The following HSPA9 variants were observed in gnomAD, a reference collection of about 807,000 sequenced individuals.
HSPA9 encodes heat shock protein family A (Hsp70) member 9.
HSPA9 carries 28 observed loss-of-function variants against 81.5 expected under a neutral mutation model. The observed-to-expected ratio is 0.34, with a 90% CI of 0.25 to 0.47. The LOEUF is 0.47. HSPA9 is among the 20% of genes least tolerant of loss of function. The pLI, the probability that HSPA9 is intolerant of heterozygous loss-of-function variation, is 1.00. For synonymous variants in HSPA9, 293 were observed against 290.4 expected (o/e 1.01, Z -0.09); for missense variants, 678 against 838.0 (o/e 0.81, Z 2.36).
At chr5:138,567,302 CAAAAG>C (rs565070085) in intron 7 of HSPA9, 139 bp from the exon 8 acceptor site, 352 of 987,472 alleles carry the variant, frequency 3.6e-4, no homozygotes, top group African/African-American at 6.8e-4. Context: ...TACCATGGCC[CAAAAG>C]AAAAGAAAAG....
At chr5:138,573,892 G>T in intron 2 of HSPA9, 42 bp from the exon 3 acceptor site, 1 of 1,483,698 alleles carries the variant, frequency 6.7e-7, no homozygotes, top group Non-Finnish European at 9.4e-7. Context: ...TTGTTATCTT[G>T]ATAGACCAAA....
At chr5:138,565,311 G>A (rs902778488) in intron 9 of HSPA9, among the ~76,000 whole-genome samples, 1 of 152,094 alleles carries the variant, frequency 6.6e-6, no homozygotes, top group Non-Finnish European at 1.5e-5. Flanking sequence ...TGATAGCAGG[G>A]GCAAAGTAAC....
chr5:138,557,026 A>G, intron 14 of HSPA9, 160 bp from the exon 15 acceptor site: 2 of 681,484 alleles, frequency 2.9e-6, no homozygotes, highest in Non-Finnish European at 5.3e-6. Context: ...GATGGCTTTG[A>G]GAGAGATTTG....
At chr5:138,564,625 A>G (rs571163513) in intron 9 of HSPA9, among the ~76,000 whole-genome samples, 7 of 152,268 alleles carry the variant, frequency 4.6e-5, no homozygotes, top group African/African-American at 9.6e-5. Flanking sequence ...CTGGTCCCCA[A>G]TTCCTGAGCT....
At chr5:138,556,674 A>C in intron 15 of HSPA9, 82 bp from the exon 16 acceptor site, 3 of 1,566,308 alleles carry the variant, frequency 1.9e-6, no homozygotes, top group Non-Finnish European at 1.8e-6. Context: ...GAAACATTTT[A>C]AAATAATTAA....
chr5:138,561,434 CAG>C, intron 10 of HSPA9, 144 bp downstream of exon 10: 1 of 708,362 alleles, frequency 1.4e-6, no homozygotes. Flanking sequence ...ACAAAACAAA[CAG>C]AAAAGAATTC....
intron 9 of HSPA9, among the ~76,000 whole-genome samples, chr5:138,564,349 C>T (rs939337384): frequency 2.0e-5 from 3 of 152,224 alleles, no homozygotes; most frequent in Non-Finnish European, 2.9e-5. Context: ...AGTGATTCAC[C>T]GGCCTTGGCC....
chr5:138,555,594 G>T lies in HSPA9; in HGVS notation c.*443C>A, dbSNP rs1196322540. The T allele has an allele frequency of 1.0e-5, 2 of 199,108 alleles. No homozygotes were observed. The highest frequency in any genetic ancestry group is 2.1e-5 in the Non-Finnish European group (2 of 96,096). 12.3% of individuals were successfully genotyped at this position (199,108 alleles called of 1,614,324 possible). A position where few individuals can be genotyped will look rare whatever the true frequency, so the allele number is the denominator to read the frequency against. ...CAGCTTGACTTGCAAGGCCTCAGTT[G>T]AAGGACCCCATGTACATACAGGCCA... On this transcript the variant is annotated 3_prime_UTR_variant, in exon 17 of 17. Coordinates refer to ENST00000297185, the MANE Select transcript of HSPA9 (RefSeq NM_004134.7).
chr5:138,560,769 C>T (rs1046815383), intron 10 of HSPA9: 4 of 355,690 alleles, frequency 1.1e-5, no homozygotes, highest in Admixed American at 3.9e-5. Context: ...AGGATGGTCT[C>T]GATCTCTTGA....
At position 138,554,252 on chromosome 5, in the gene HSPA9, T is replaced by G. The variant is rs1046742115; in HGVS notation, c.*1785A>C. Among the ~76,000 whole-genome samples the G allele has an allele frequency of 1.6e-4, 25 of 152,336 alleles. No homozygotes were observed. The highest frequency in any genetic ancestry group is 1.2e-3 in the Admixed American group (18 of 15,294). On this transcript the variant is annotated 3_prime_UTR_variant, in exon 17 of 17. Transcript: ENST00000297185. Reference sequence around the variant, plus strand: ...TTTGCTTGGGCATTTGGCTCCTCTCTCTGATCCCAAGGATGAATCTTGACT... The same window carrying G: ...TTTGCTTGGGCATTTGGCTCCTCTCGCTGATCCCAAGGATGAATCTTGACT...
rs752447855 is a variant in HSPA9, at chr5:138,557,974, G to A, written c.1528C>T (p.Pro510Ser). ...ATCTGAGGAACTCCACGAGGGGCTG[G>A]TGGAATTCCAATCTAAAATAAATAA... ...LGQFTLIGIP[P>S]APRGVPQIEV... Residue 510 changes from proline to serine, a missense_variant, in exon 13 of 17, where the codon CCA becomes TCA. Pro to Ser is a moderately conservative substitution (Grantham distance 74). Around this residue, in one of 4 missense-constraint regions of HSPA9, gnomAD observed 484 missense variants for 647.5 expected, o/e 0.75. Coordinates refer to ENST00000297185, the MANE Select transcript of HSPA9 (RefSeq NM_004134.7). The A allele has an allele frequency of 6.2e-7, 1 of 1,605,546 alleles. No individual in the cohort carries two copies. The highest frequency in any genetic ancestry group is 8.5e-7 in the Non-Finnish European group (1 of 1,173,142).
chr5:138,571,882 G>A (rs534056296), intron 3 of HSPA9, among the ~76,000 whole-genome samples: 6 of 149,636 alleles, frequency 4.0e-5, no homozygotes, highest in Admixed American at 2.7e-4. Context: ...GGCTGGTCTC[G>A]AACTCCTGAC....
At position 138,558,587 on chromosome 5, in the gene HSPA9, G is replaced by A; in HGVS notation, c.1481C>T (p.Ala494Val). ...CTGTCCAAGGAGTTTGTTGTCTCCA[G>A]CCATCTCTCTTTCACCCTGACACAC... ...IKVCQGEREM[A>V]GDNKLLGQFT... Residue 494 changes from alanine to valine, a missense_variant, in exon 12 of 17, where the codon GCT becomes GTT. Ala to Val is a moderately conservative substitution (Grantham distance 64, BLOSUM62 0). Transcript: ENST00000297185. The A allele has an allele frequency of 6.2e-7, 1 of 1,613,150 alleles. No homozygotes were observed. Among genetic ancestry groups the A allele is most frequent in the Non-Finnish European group, 8.5e-7 (1 of 1,179,168 alleles).
chr5:138,569,694 TTTAAA>T (rs1468411444), intron 4 of HSPA9, among the ~76,000 whole-genome samples: 4 of 152,176 alleles, frequency 2.6e-5, no homozygotes, highest in Non-Finnish European at 4.4e-5. Flanking sequence ...AATAAAGCTG[TTTAAA>T]TTTTTAAAAA....
In HSPA9 at chr5:138,559,100, TA is replaced by T. The variant is rs1750595761; in HGVS notation, c.1411-444del. On this transcript the variant is annotated intron_variant, in intron 11 of 16. Transcript: ENST00000297185. ...TCACAAGATTGGGTAAGTCAGGAAA[TA>T]ATTTTTTTTTTTTTTTTGAGACAAG... The T allele has an allele frequency of 3.1e-5, 6 of 193,966 alleles. 1 individual carries two copies. The highest frequency in any genetic ancestry group is 2.7e-4 in the Admixed American group (5 of 18,718). 12.0% of individuals were successfully genotyped at this position (193,966 alleles called of 1,614,324 possible).
At chr5:138,574,210 A>G (rs2127163613) in intron 1 of HSPA9, 84 bp from the exon 2 acceptor site, 3 of 884,296 alleles carry the variant, frequency 3.4e-6, no homozygotes, top group East Asian at 4.9e-5. Context: ...CTTAGTATAT[A>G]AAATACATTA....
intron 11 of HSPA9, 131 bp from the exon 12 acceptor site, chr5:138,558,788 G>C: frequency 7.1e-6 from 5 of 699,618 alleles, no homozygotes; most frequent in Non-Finnish European, 1.3e-5. Context: ...CAGAACAAAG[G>C]CTGATGTCTT....
chr5:138,570,750 G>A (rs779193494), intron 4 of HSPA9: 2 of 527,462 alleles, frequency 3.8e-6, no homozygotes, highest in Non-Finnish European at 6.9e-6. Context: ...CTCCCAAAGT[G>A]CTAGGATTAC....
chr5:138,573,710 C>T (rs1316863583), intron 3 of HSPA9, 53 bp downstream of exon 3: 3 of 915,528 alleles, frequency 3.3e-6, no homozygotes, highest in East Asian at 5.4e-5. Context: ...AGGAAAAGAG[C>T]ACAGAATTCT....
Sources: gnomAD v4.1 joint callset for allele counts (sites outside exome capture counted in the v4.1 genomes callset) on GRCh38, gnomAD v4.1.1 for gene constraint, gnomAD v4.1.1 regional missense constraint, MANE v1.5 for transcripts, NCBI Gene and HGNC (gene_info 2026-07-23, HGNC 2026-07-21) for gene names.